CYTH3: variants seen among roughly 807,000 people sequenced by gnomAD.
The protein encoded by CYTH3 is cytohesin 3.
A neutral mutation model predicts 55.1 loss-of-function variants in CYTH3; 23 were observed. The ratio of observed to expected loss-of-function variants is 0.42; its 90% confidence interval spans 0.30 to 0.59. The LOEUF (loss-of-function observed/expected upper bound fraction) is 0.59. Among genes scored for constraint, CYTH3 ranks in the 20% least tolerant of loss-of-function variants. The pLI, the probability that CYTH3 is intolerant of heterozygous loss-of-function variation, is 0.20. For missense variants in CYTH3, 413 were observed against 524.8 expected (o/e 0.79, Z 2.08); for synonymous variants, 249 against 194.9 (o/e 1.28, Z -2.31).
chr7:6,247,245 C>T (rs188712012), intron 1 of CYTH3, among the ~76,000 whole-genome samples: 22 of 152,286 alleles, frequency 1.4e-4, no homozygotes, highest in Admixed American at 1.3e-3. Flanking sequence ...CTCAGCTCCA[C>T]GACACTATTT....
intron 4 of CYTH3, among the ~76,000 whole-genome samples, chr7:6,180,934 T>A (rs544924258): frequency 6.6e-6 from 1 of 152,340 alleles, no homozygotes. Context: ...GAGCACTGAT[T>A]AGTTAGCACT....
At chr7:6,260,357 T>A (rs1237031753) in intron 1 of CYTH3, among the ~76,000 whole-genome samples, 8 of 152,152 alleles carry the variant, frequency 5.3e-5, no homozygotes, top group Non-Finnish European at 1.2e-4. Flanking sequence ...CTGATAGAAA[T>A]GATTATTGGT....
At chr7:6,176,749 C>T (rs772066669) in intron 5 of CYTH3, among the ~76,000 whole-genome samples, 5 of 152,188 alleles carry the variant, frequency 3.3e-5, no homozygotes, top group Non-Finnish European at 5.9e-5. Flanking sequence ...GGCGTGCCAG[C>T]ACCGGGCTGA....
intron 4 of CYTH3, among the ~76,000 whole-genome samples, chr7:6,182,193 GC>G (rs1246467356): frequency 1.3e-5 from 2 of 152,140 alleles, no homozygotes; most frequent in Non-Finnish European, 2.9e-5. Context: ...GATTACAGGT[GC>G]CTGCTACCAT....
intron 1 of CYTH3, among the ~76,000 whole-genome samples, chr7:6,211,600 G>A (rs1784320254): frequency 6.6e-6 from 1 of 152,214 alleles, no homozygotes; most frequent in South Asian, 2.1e-4. Context: ...CCAAAGTGCT[G>A]GGATTACAGG....
chr7:6,179,944 C>G (rs1301565857), intron 4 of CYTH3, among the ~76,000 whole-genome samples: 4 of 148,094 alleles, frequency 2.7e-5, no homozygotes, highest in Admixed American at 2.7e-4. Context: ...CACACACACA[C>G]AGTAGCAATG....
intron 2 of CYTH3, 103 bp downstream of exon 2, chr7:6,190,346 G>GTTTTTTTTTTTTTTTTCATTTTTTTGGT (rs544153947): frequency 1.7e-6 from 1 of 575,846 alleles, no homozygotes; most frequent in Non-Finnish European, 2.4e-6. Context: ...TTGTTTTTGG[G>GTTTTTTTTTTTTTTTTCATTTTTTTGGT]TTTTTTTTTT....
At chr7:6,259,820 ATATATATATATAT>A (rs1780297665) in intron 1 of CYTH3, among the ~76,000 whole-genome samples, 1 of 26,040 alleles carries the variant, frequency 3.8e-5, no homozygotes, top group Non-Finnish European at 5.3e-5. Context: ...TATAATATAT[ATATATATATATAT>A]TTTTTTTTTT....
chr7:6,197,916 ACT>A (rs1783972268), intron 1 of CYTH3, among the ~76,000 whole-genome samples: 4 of 151,658 alleles, frequency 2.6e-5, no homozygotes, highest in East Asian at 3.9e-4. Context: ...ACACAAAGAA[ACT>A]CTGTCTCTAC....
At chr7:6,227,224 C>T (rs1183456592) in intron 1 of CYTH3, among the ~76,000 whole-genome samples, 2 of 151,522 alleles carry the variant, frequency 1.3e-5, no homozygotes, top group Non-Finnish European at 2.9e-5. Flanking sequence ...AAAAAGAAAG[C>T]AGATAGGAAC....
intron 2 of CYTH3, 78 bp downstream of exon 2, chr7:6,190,371 T>TTG: frequency 1.0e-6 from 1 of 1,003,838 alleles, no homozygotes; most frequent in Non-Finnish European, 1.3e-6. Context: ...TACATTTTTG[T>TTG]GAGGCTACTC....
chr7:6,245,066 G>GC (rs1779775310), intron 1 of CYTH3, among the ~76,000 whole-genome samples: 1 of 133,754 alleles, frequency 7.5e-6, no homozygotes, highest in East Asian at 2.4e-4. Flanking sequence ...TGATCCACCC[G>GC]CCCCGGCCTT....
chr7:6,179,547 G>A (rs1783421783), intron 4 of CYTH3, among the ~76,000 whole-genome samples: 1 of 151,636 alleles, frequency 6.6e-6, no homozygotes, highest in East Asian at 1.9e-4. Context: ...TATGTATCTG[G>A]TGATGGTACC....
chr7:6,207,982 TA>T (rs528384656), intron 1 of CYTH3, among the ~76,000 whole-genome samples: 5 of 151,610 alleles, frequency 3.3e-5, no homozygotes, highest in Admixed American at 6.6e-5. Context: ...TAGAAGCAGA[TA>T]AAAAAAACGA....
intron 1 of CYTH3, among the ~76,000 whole-genome samples, chr7:6,262,916 T>TA (rs1316753539): frequency 3.3e-5 from 5 of 151,114 alleles, no homozygotes; most frequent in Admixed American, 6.6e-5. Context: ...GCGACTCTAA[T>TA]AAAAAAATTG....
chr7:6,176,509 C>G (rs1783356014), intron 5 of CYTH3, among the ~76,000 whole-genome samples: 1 of 152,076 alleles, frequency 6.6e-6, no homozygotes, highest in South Asian at 2.1e-4. Context: ...GATCTGCCCA[C>G]CTCGGCCTCC....
intron 1 of CYTH3, among the ~76,000 whole-genome samples, chr7:6,209,919 G>C (rs1583165609): frequency 6.6e-6 from 1 of 152,198 alleles, no homozygotes; most frequent in Non-Finnish European, 1.5e-5. Context: ...ATGCTACTGA[G>C]ACAACAGAAG....
At chr7:6,264,253 A>G (rs1294367559) in intron 1 of CYTH3, among the ~76,000 whole-genome samples, 2 of 149,724 alleles carry the variant, frequency 1.3e-5, no homozygotes, top group Non-Finnish European at 3.0e-5. Flanking sequence ...GTCTCAAAAG[A>G]AAAAAAAACA....
chr7:6,203,646 G>A (rs983380547), intron 1 of CYTH3, among the ~76,000 whole-genome samples: 23 of 151,914 alleles, frequency 1.5e-4, no homozygotes, highest in African/African-American at 5.6e-4. Flanking sequence ...ATTCTGAGTA[G>A]ACAACTGATT....
Sources: gnomAD v4.1 joint callset for allele counts (sites outside exome capture counted in the v4.1 genomes callset) on GRCh38, gnomAD v4.1.1 for gene constraint, MANE v1.5 for transcripts, NCBI Gene and HGNC (gene_info 2026-07-23, HGNC 2026-07-21) for gene names.